IGFBP3: variants seen among roughly 807,000 people sequenced by gnomAD.
IGFBP3 encodes insulin-like growth factor-binding protein 3.
A neutral mutation model predicts 28.6 loss-of-function variants in IGFBP3; 9 were observed. That is an observed-to-expected ratio of 0.31 (90% CI 0.19 to 0.55). The LOEUF is 0.55. Among genes scored for constraint, IGFBP3 ranks in the 20% least tolerant of loss-of-function variants. The pLI is 0.93. For missense variants in IGFBP3, 382 were observed against 428.9 expected (o/e 0.89, Z 0.97); for synonymous variants, 185 against 188.2 (o/e 0.98, Z 0.14).
intron 1 of IGFBP3, among the ~76,000 whole-genome samples, chr7:45,918,883 C>A (rs906027639): frequency 6.6e-6 from 1 of 152,142 alleles, no homozygotes; most frequent in Admixed American, 6.5e-5. Context: ...GCACACATTC[C>A]CAGGGTCCAG....
Position 45,917,280 on chromosome 7 carries a change from A to G in IGFBP3, c.563T>C (p.Val188Ala), listed in dbSNP as rs1784621152. 1.9e-6 allele frequency: 3 copies of G among 1,614,078 alleles called. No individual in the cohort carries two copies. Among genetic ancestry groups the G allele is most frequent in the Non-Finnish European group, 1.7e-6 (2 of 1,180,018 alleles). The change falls in exon 2 of 5, where the codon GTT becomes GCT. Residue 188 changes from valine (V) to alanine (A), a missense_variant. Transcript: ENST00000613132. ...GHAKDSQRYK[V>A]DYESQSTDTQ... ...ATCTGTGCTCTGAGACTCGTAGTCAACTTTGTAGCGCTGGCTGTCTTTAGC... is the reference window on the plus strand; with the variant it reads ...ATCTGTGCTCTGAGACTCGTAGTCAGCTTTGTAGCGCTGGCTGTCTTTAGC...
At position 45,921,009 on chromosome 7, in the gene IGFBP3, G is replaced by C; in HGVS notation, c.132C>G (p.Asp44Glu). 1 of 1,391,722 alleles carries C rather than the reference G, an allele frequency of 7.2e-7. No homozygotes were observed. Among genetic ancestry groups the C allele is most frequent in the Non-Finnish European group, 9.2e-7 (1 of 1,081,816 alleles). 86.2% of individuals were successfully genotyped at this position (1,391,722 alleles called of 1,614,324 possible). The change falls in exon 1 of 5, where the codon GAC (aspartate) becomes GAG (glutamate). Residue 44 changes from aspartate to glutamate, a missense_variant. Coordinates refer to ENST00000613132, the MANE Select transcript of IGFBP3 (RefSeq NM_000598.5). ...GCGCGCACTGGGCCAGTGCACGCGC[G>C]TCGCACGGCTCGCAGCGCACCACGG... Reference protein sequence around the residue: ...LGPVVRCEPCDARALAQCAPP... With the variant: ...LGPVVRCEPCEARALAQCAPP...
In IGFBP3 at chr7:45,921,065, G is replaced by A. The variant is rs762325732; in HGVS notation, c.76C>T (p.Arg26Trp). The change falls in exon 1 of 5, where the codon CGG becomes TGG. Residue 26 changes from arginine (R) to tryptophan (W), a missense_variant. Physicochemically the swap from Arg to Trp is moderately radical, Grantham distance 101. Coordinates refer to ENST00000613132, the MANE Select transcript of IGFBP3 (RefSeq NM_000598.5). ...AAGCCCGCCGAGCTCGCGCCAGCCC[G>A]CGCCACCGGCGGCCCGCGGAGCAGC... is the stretch of plus-strand genomic sequence containing the variant. ...LVLLRGPPVA[R>W]AGASSAGLGP... is the part of the protein sequence containing the mutation. The A allele has an allele frequency of 1.4e-6, 2 of 1,451,030 alleles. No individual in the cohort carries two copies. The highest frequency in any genetic ancestry group is 1.3e-5 in the South Asian group (1 of 74,598). 89.9% of individuals were successfully genotyped at this position (1,451,030 alleles called of 1,614,324 possible).
intron 2 of IGFBP3, 86 bp from the exon 3 acceptor site, chr7:45,916,753 T>A (rs770096285): frequency 1.6e-5 from 23 of 1,451,606 alleles, no homozygotes; most frequent in Non-Finnish European, 2.1e-5. Context: ...GCTGCACAAC[T>A]ACCAAAAGTG....
rs917400364 is a variant in IGFBP3, at chr7:45,913,230, T to A, written c.*620A>T. On this transcript the variant is annotated 3_prime_UTR_variant, in exon 5 of 5. Transcript: ENST00000613132. ...GTGCCCTAGAACATTCTTAGATACATATTTTTTAAACAAGTAGGACTCCAC... is the reference window on the plus strand; with the variant it reads ...GTGCCCTAGAACATTCTTAGATACAAATTTTTTAAACAAGTAGGACTCCAC... The A allele has an allele frequency of 6.6e-6, 1 of 152,170 alleles. No individual in the cohort carries two copies. Among genetic ancestry groups the A allele is most frequent in the Admixed American group, 6.5e-5 (1 of 15,284 alleles). 9.4% of individuals were successfully genotyped at this position (152,170 alleles called of 1,614,324 possible).
intron 3 of IGFBP3, 106 bp downstream of exon 3, chr7:45,916,442 A>G: frequency 8.5e-7 from 1 of 1,169,636 alleles, no homozygotes; most frequent in Non-Finnish European, 1.2e-6. Flanking sequence ...GGTGCTGCAC[A>G]GGCTCAGAGT....
chr7:45,916,437 T>C, intron 3 of IGFBP3, 111 bp downstream of exon 3: 2 of 1,112,616 alleles, frequency 1.8e-6, no homozygotes, highest in Middle Eastern at 3.1e-4. Flanking sequence ...GCACTGGTGC[T>C]GCACAGGCTC....
intron 4 of IGFBP3, chr7:45,914,078 A>G (rs1156352428): frequency 6.6e-6 from 1 of 152,230 alleles, no homozygotes; most frequent in Non-Finnish European, 1.5e-5. Flanking sequence ...AGGAAAAAAG[A>G]AACCCTTATA....
At chr7:45,914,585 C>T (rs560195916) in intron 4 of IGFBP3, 24 of 449,156 alleles carry the variant, frequency 5.3e-5, no homozygotes, top group African/African-American at 2.0e-4. Flanking sequence ...GTGCACTGGC[C>T]GGCCTCCTTC....
intron 1 of IGFBP3, among the ~76,000 whole-genome samples, chr7:45,919,195 CAAAT>C (rs1784652801): frequency 6.6e-6 from 1 of 151,980 alleles, no homozygotes; most frequent in Non-Finnish European, 1.5e-5. Flanking sequence ...CTTTTTTTGT[CAAAT>C]AGATTCTAGA....
intron 1 of IGFBP3, 84 bp downstream of exon 1, chr7:45,920,654 C>A: frequency 1.6e-6 from 2 of 1,218,068 alleles, no homozygotes; most frequent in Non-Finnish European, 2.1e-6. Flanking sequence ...CGGAGTCTCC[C>A]GCAGCGGCAC....
At position 45,920,905 on chromosome 7, in the gene IGFBP3, T is replaced by C. The variant is rs999054673; in HGVS notation, c.236A>G (p.Gln79Arg). The part of the protein sequence containing the change: ...CCLTCALSEG[Q>R]PCGIYTERCG... Reference sequence around the variant, plus strand: ...GCGCTCGGTGTAGATGCCGCACGGCTGGCCCTCGCTCAGTGCGCACGTCAG... The same window carrying C: ...GCGCTCGGTGTAGATGCCGCACGGCCGGCCCTCGCTCAGTGCGCACGTCAG... The change falls in exon 1 of 5, where the codon CAG (glutamine) becomes CGG (arginine). Residue 79 changes from glutamine (Q) to arginine (R), a missense_variant. Gln to Arg is a conservative substitution (Grantham distance 43). Transcript: ENST00000613132. 2.1e-6 allele frequency: 3 copies of C among 1,435,248 alleles called. No individual in the cohort carries two copies. The highest frequency in any genetic ancestry group is 3.0e-5 in the African/African-American group (2 of 66,952). 88.9% of individuals were successfully genotyped at this position (1,435,248 alleles called of 1,614,324 possible). A position where few individuals can be genotyped will look rare whatever the true frequency, so the allele number is the denominator to read the frequency against.
intron 1 of IGFBP3, chr7:45,920,531 T>TA (rs929393282): frequency 2.3e-6 from 1 of 438,126 alleles, no homozygotes; most frequent in African/African-American, 2.1e-5. Context: ...ACTCTGCACT[T>TA]AGAGAATCGA....
Position 45,912,507 on chromosome 7 carries a change from A to G in IGFBP3, c.*1343T>C, listed in dbSNP as rs778282974. 2 of 152,356 alleles carry G rather than the reference A, an allele frequency of 1.3e-5. No individual in the cohort carries two copies. The highest frequency in any genetic ancestry group is 2.9e-5 in the Non-Finnish European group (2 of 68,026). 9.4% of individuals were successfully genotyped at this position (152,356 alleles called of 1,614,324 possible). On this transcript the variant is annotated 3_prime_UTR_variant, in exon 5 of 5. Coordinates refer to ENST00000613132, the MANE Select transcript of IGFBP3 (RefSeq NM_000598.5). ...CCCCTCTGTTTTCAAGGAGAGCTCT[A>G]TGCAGCGTGTGTCCACACCGAGGTC...
Position 45,917,236 on chromosome 7 carries a change from C to G in IGFBP3, c.607G>C (p.Glu203Gln). ...ACATATTCTGTCTCCCGCTTGGACT[C>G]GGAGGAGAAGTTCTGGGTATCTGTG... ...QSTDTQNFSS[E>Q]SKRETEYGPC... The change falls in exon 2 of 5, where the codon GAG (glutamate) becomes CAG (glutamine). Residue 203 changes from glutamate (E) to glutamine (Q), a missense_variant. Glu to Gln is a conservative substitution (Grantham distance 29). Transcript: ENST00000613132. The G allele has an allele frequency of 6.2e-7, 1 of 1,613,730 alleles. No homozygotes were observed. The highest frequency in any genetic ancestry group is 8.5e-7 in the Non-Finnish European group (1 of 1,179,726).
chr7:45,917,197 G>C lies in IGFBP3; in HGVS notation c.630+16C>G. The C allele has an allele frequency of 6.3e-7, 1 of 1,595,060 alleles. No homozygotes were observed. Among genetic ancestry groups the C allele is most frequent in the Non-Finnish European group, 8.6e-7 (1 of 1,162,772 alleles). On this transcript the variant is annotated intron_variant, in intron 2 of 4. Coordinates refer to ENST00000613132, the MANE Select transcript of IGFBP3 (RefSeq NM_000598.5). ...AGGTCTTGCCCTCCTCCTTTAACAA[G>C]AGGAAAAGCTCTCACATATTCTGTC...
At chr7:45,916,145 C>T (rs1223369784) in intron 3 of IGFBP3, among the ~76,000 whole-genome samples, 1 of 152,174 alleles carries the variant, frequency 6.6e-6, no homozygotes, top group African/African-American at 2.4e-5. Flanking sequence ...TGTGGTATGA[C>T]CTCATGTCAC....
intron 1 of IGFBP3, chr7:45,919,916 A>AT (rs1326063773): frequency 9.4e-6 from 1 of 105,934 alleles, no homozygotes; most frequent in Non-Finnish European, 2.0e-5. Context: ...ACAACATCTC[A>AT]TTCCCCCCCC....
rs147067231 is a variant in IGFBP3 at position 45,914,922 on chromosome 7, C to T, written c.774G>A (p.Lys258=). ...KKQCRPSKGR[K]RGFCWCVDKY... ...TATCCACACACCAGCAGAAGCCCCG[C>T]TTCCTGCCTTTGGAAGGGCGACACT... The change falls in exon 4 of 5, where the codon AAG becomes AAA. Residue 258 remains lysine (K), a synonymous_variant. Coordinates refer to ENST00000613132, the MANE Select transcript of IGFBP3 (RefSeq NM_000598.5). The T allele has an allele frequency of 2.5e-6, 4 of 1,614,080 alleles. No individual in the cohort carries two copies. The highest frequency in any genetic ancestry group is 4.5e-5 in the East Asian group (2 of 44,890).
Sources: gnomAD v4.1 joint callset for allele counts (sites outside exome capture counted in the v4.1 genomes callset) on GRCh38, gnomAD v4.1.1 for gene constraint, MANE v1.5 for transcripts, NCBI Gene and HGNC (gene_info 2026-07-23, HGNC 2026-07-21) for gene names.